SMAD3: variants seen among roughly 807,000 people sequenced by gnomAD.
SMAD3 encodes the protein MAD homolog 3.
Under a neutral mutation model 51.8 loss-of-function variants are expected in SMAD3, and 12 were observed. That is an observed-to-expected ratio of 0.23 (90% confidence interval 0.15 to 0.38). The LOEUF (loss-of-function observed/expected upper bound fraction) is 0.38, where lower values mean the gene tolerates loss of function less well. Among genes scored for constraint, SMAD3 ranks in the 10% least tolerant of loss-of-function variants. The probability of loss-of-function intolerance (pLI) is 1.00; values close to 1 mark genes in which losing one functional copy is unlikely to be tolerated. For synonymous variants in SMAD3, 238 were observed against 227.7 expected (o/e 1.05, Z -0.41); for missense variants, 294 against 565.6 (o/e 0.52, Z 4.87).
intron 1 of SMAD3, among the ~76,000 whole-genome samples, chr15:67,099,634 C>A (rs942260500): frequency 2.0e-5 from 3 of 152,186 alleles, no homozygotes; most frequent in African/African-American, 7.2e-5. Context: ...AAGATGGGAT[C>A]TGGATGACAC....
At chr15:67,168,047 G>A in intron 4 of SMAD3, among the ~76,000 whole-genome samples, 1 of 152,210 alleles carries the variant, frequency 6.6e-6, no homozygotes, top group Admixed American at 6.5e-5. Context: ...TCTGCCTCCT[G>A]GGTTCAAGCT....
intron 1 of SMAD3, among the ~76,000 whole-genome samples, chr15:67,085,905 C>CACACACACAG (rs1226441725): frequency 1.4e-5 from 2 of 143,016 alleles, no homozygotes; most frequent in African/African-American, 5.1e-5. Context: ...CACACATACA[C>CACACACACAG]AGAGAACAGC....
intron 1 of SMAD3, among the ~76,000 whole-genome samples, chr15:67,097,732 A>G (rs921497092): frequency 1.3e-5 from 2 of 152,190 alleles, no homozygotes; most frequent in African/African-American, 4.8e-5. Flanking sequence ...AATGCTAGCA[A>G]TGGTCATGAT....
intron 1 of SMAD3, among the ~76,000 whole-genome samples, chr15:67,080,273 T>G (rs1409861631): frequency 2.6e-5 from 4 of 152,250 alleles, no homozygotes; most frequent in Non-Finnish European, 5.9e-5. Flanking sequence ...TGTAATATTT[T>G]AAAACTGGAC....
chr15:67,123,702 A>AT (rs1961321009), intron 1 of SMAD3, among the ~76,000 whole-genome samples: 1 of 152,208 alleles, frequency 6.6e-6, no homozygotes, highest in African/African-American at 2.4e-5. Flanking sequence ...GGACAAACTT[A>AT]TTTTGAAATA....
Position 67,065,649 on chromosome 15 carries a change from C to G in SMAD3, c.-506C>G, listed in dbSNP as rs1959891946. On this transcript the variant is annotated 5_prime_UTR_variant, in exon 1 of 9. Transcript: ENST00000327367. ...GGGAGCGGGAGCGCGGCGCACGCCC[C>G]GGGCCGGCCCAGCCAGCGAGCGAGC... Among the ~76,000 whole-genome samples the G allele has an allele frequency of 6.6e-6, 1 of 151,330 alleles. No homozygotes were observed. The highest frequency in any genetic ancestry group is 2.4e-5 in the African/African-American group (1 of 41,254).
At chr15:67,079,591 G>C (rs61414048) in intron 1 of SMAD3, among the ~76,000 whole-genome samples, 1 of 152,140 alleles carries the variant, frequency 6.6e-6, no homozygotes, top group Non-Finnish European at 1.5e-5. Flanking sequence ...ATCCTGGTAC[G>C]TGTTGCATGG....
chr15:67,140,384 T>C (rs1011299326), intron 1 of SMAD3, among the ~76,000 whole-genome samples: 5 of 152,240 alleles, frequency 3.3e-5, no homozygotes, highest in Non-Finnish European at 7.3e-5. Context: ...GAGACTCCTT[T>C]AGCTCTCTTC....
At chr15:67,187,670 C>T (rs903050832) in intron 8 of SMAD3, among the ~76,000 whole-genome samples, 161 bp downstream of exon 8, 3 of 152,154 alleles carry the variant, frequency 2.0e-5, no homozygotes, top group African/African-American at 4.8e-5. Context: ...CAGGAGGGGC[C>T]GGGCCAACAG....
intron 1 of SMAD3, among the ~76,000 whole-genome samples, chr15:67,075,684 G>A (rs1233688103): frequency 2.0e-4 from 30 of 152,176 alleles, no homozygotes; most frequent in Admixed American, 2.0e-3. Flanking sequence ...GGAGGCCAAG[G>A]TGGATGGATC....
chr15:67,166,163 A>T (rs895714388), intron 3 of SMAD3: 8 of 1,014,104 alleles, frequency 7.9e-6, no homozygotes, highest in Middle Eastern at 5.0e-4. Context: ...ACCTTCTCAG[A>T]TCCTTTGCGG....
At chr15:67,110,387 A>G (rs2140233325) in intron 1 of SMAD3, among the ~76,000 whole-genome samples, 1 of 152,326 alleles carries the variant, frequency 6.6e-6, no homozygotes, top group African/African-American at 2.4e-5. Context: ...GGGATATGTC[A>G]GAAGATTTGG....
chr15:67,076,322 G>A (rs980377831), intron 1 of SMAD3, among the ~76,000 whole-genome samples: 5 of 152,176 alleles, frequency 3.3e-5, no homozygotes, highest in African/African-American at 9.7e-5. Context: ...AACAAACTTC[G>A]ATGAATCAGG....
At chr15:67,113,095 T>TATATATATATATA (rs57818600) in intron 1 of SMAD3, among the ~76,000 whole-genome samples, 21 of 91,086 alleles carry the variant, frequency 2.3e-4, no homozygotes, top group South Asian at 4.2e-4. Flanking sequence ...TATATATATA[T>TATATATATATATA]TTTTTTGAGA....
intron 1 of SMAD3, chr15:67,145,901 T>C: frequency 6.6e-6 from 1 of 152,192 alleles, no homozygotes; most frequent in East Asian, 1.9e-4. Context: ...AAGCTGGGCT[T>C]TAATGTTTAG....
chr15:67,138,121 C>A, intron 1 of SMAD3: 1 of 1,535,474 alleles, frequency 6.5e-7, no homozygotes, highest in Non-Finnish European at 8.8e-7. Flanking sequence ...CGTGCCGGGA[C>A]ATGTCTTTTC....
At chr15:67,098,281 C>G (rs892226204) in intron 1 of SMAD3, among the ~76,000 whole-genome samples, 1 of 150,570 alleles carries the variant, frequency 6.6e-6, no homozygotes. Flanking sequence ...GCCTAAACTG[C>G]CCCCCCACCC....
At chr15:67,092,197 G>C (rs1441182253) in intron 1 of SMAD3, among the ~76,000 whole-genome samples, 2 of 152,194 alleles carry the variant, frequency 1.3e-5, no homozygotes, top group Admixed American at 6.5e-5. Context: ...CAGCCCCAGG[G>C]AGGACACAGC....
At chr15:67,142,390 C>T (rs892389694) in intron 1 of SMAD3, among the ~76,000 whole-genome samples, 2 of 152,128 alleles carry the variant, frequency 1.3e-5, no homozygotes, top group African/African-American at 4.8e-5. Flanking sequence ...TAAACTAGGT[C>T]TTTCTGCAGA....
Sources: gnomAD v4.1 joint callset for allele counts (sites outside exome capture counted in the v4.1 genomes callset) on GRCh38, gnomAD v4.1.1 for gene constraint, MANE v1.5 for transcripts, NCBI Gene and HGNC (gene_info 2026-07-23, HGNC 2026-07-21) for gene names.